The following FCHSD2 variants were observed in gnomAD, a reference collection of about 807,000 sequenced individuals.
FCHSD2 encodes the protein FCH and double SH3 domains 2, also known as F-BAR and double SH3 domains protein 2.
FCHSD2 carries 38 observed loss-of-function variants against 108.1 expected under a neutral mutation model. That is an observed-to-expected ratio of 0.35 (90% CI 0.27 to 0.46). The LOEUF (loss-of-function observed/expected upper bound fraction) is 0.46, where lower values mean the gene tolerates loss of function less well. Ranked by LOEUF, FCHSD2 falls within the 20% of genes least tolerant of loss-of-function variation. The pLI, the probability that FCHSD2 is intolerant of heterozygous loss-of-function variation, is 1.00. For synonymous variants in FCHSD2, 279 were observed against 314.7 expected (o/e 0.89, Z 1.20); for missense variants, 751 against 897.8 (o/e 0.84, Z 2.09).
intron 3 of FCHSD2, among the ~76,000 whole-genome samples, chr11:73,027,402 T>G (rs1297320525): frequency 6.6e-6 from 1 of 152,210 alleles, no homozygotes; most frequent in Non-Finnish European, 1.5e-5. Flanking sequence ...TTAGGGTATC[T>G]GGCAGAAGAA....
At chr11:73,100,105 G>A (rs920805875) in intron 2 of FCHSD2, among the ~76,000 whole-genome samples, 4 of 152,042 alleles carry the variant, frequency 2.6e-5, no homozygotes, top group African/African-American at 2.4e-5. Flanking sequence ...GTGACACCCC[G>A]CTAATCCTCA....
At chr11:73,059,254 A>T (rs1859105333) in intron 3 of FCHSD2, among the ~76,000 whole-genome samples, 1 of 152,192 alleles carries the variant, frequency 6.6e-6, no homozygotes, top group South Asian at 2.1e-4. Context: ...CACTGTGTGA[A>T]CTACGGTTTA....
intron 3 of FCHSD2, among the ~76,000 whole-genome samples, chr11:73,079,341 T>C (rs1341911018): frequency 6.6e-6 from 1 of 151,388 alleles, no homozygotes; most frequent in Non-Finnish European, 1.5e-5. Context: ...GGATTACAGG[T>C]ACCCGCCACG....
intron 12 of FCHSD2, among the ~76,000 whole-genome samples, chr11:72,878,918 C>T (rs1855023937): frequency 6.6e-6 from 1 of 151,912 alleles, no homozygotes; most frequent in Non-Finnish European, 1.5e-5. Flanking sequence ...ACCAGCCTGG[C>T]CAACATGGTG....
Position 73,052,996 on chromosome 11 carries a change from G to A in FCHSD2, c.165+30699C>T, listed in dbSNP as rs1289817394. On this transcript the variant is annotated intron_variant, in intron 3 of 19. Coordinates refer to ENST00000409418, the MANE Select transcript of FCHSD2 (RefSeq NM_014824.3). ...CAAGTAGCTGGGATTACAGATGCCC[G>A]CCACCACACCTAGCTAATTTTTGTA... Among the ~76,000 whole-genome samples the A allele has an allele frequency of 4.6e-5, 7 of 151,962 alleles. No individual in the cohort carries two copies. In the South Asian group the frequency reaches 6.2e-4, roughly 14 times the overall value.
chr11:73,102,370 C>A (rs1403720900), intron 2 of FCHSD2, among the ~76,000 whole-genome samples: 2 of 152,180 alleles, frequency 1.3e-5, no homozygotes, highest in Non-Finnish European at 2.9e-5. Flanking sequence ...AATTACACTC[C>A]TAAGTACTTA....
intron 8 of FCHSD2, among the ~76,000 whole-genome samples, chr11:72,953,391 T>TG (rs1416391421): frequency 1.3e-5 from 2 of 152,366 alleles, no homozygotes; most frequent in East Asian, 3.9e-4. Context: ...TATCTACATT[T>TG]GGAAAATAAA....
chr11:73,017,467 A>G (rs2135435228), intron 3 of FCHSD2, among the ~76,000 whole-genome samples: 1 of 152,326 alleles, frequency 6.6e-6, no homozygotes, highest in African/African-American at 2.4e-5. Context: ...AAATTACTCA[A>G]GTAAAATCAA....
intron 8 of FCHSD2, among the ~76,000 whole-genome samples, chr11:72,931,096 ATTTTTTTTT>A (rs36117770): frequency 8.6e-6 from 1 of 115,918 alleles, no homozygotes; most frequent in African/African-American, 3.2e-5. Context: ...CAATAATTAA[ATTTTTTTTT>A]TTTTTTTTGA....
chr11:73,093,164 T>G (rs1859996508), intron 2 of FCHSD2, among the ~76,000 whole-genome samples: 1 of 152,216 alleles, frequency 6.6e-6, no homozygotes. Context: ...CACACATCAT[T>G]GCAGAAGAAG....
Position 72,955,855 on chromosome 11 carries a change from T to C in FCHSD2, c.705+28233A>G, listed in dbSNP as rs563310095. On this transcript the variant is annotated intron_variant, in intron 8 of 19. Coordinates refer to ENST00000409418, the MANE Select transcript of FCHSD2 (RefSeq NM_014824.3). The stretch of plus-strand genomic sequence containing the variant: ...CTTGGGGGCAGAGACCAAACATGTA[T>C]TTCAAATTATAATATTACAGTGCAT... 2.0e-5 allele frequency among the ~76,000 whole-genome samples: 3 copies of C among 152,314 alleles called. No individual in the cohort carries two copies. The East Asian group carries it at 5.8e-4, about 29-fold the overall frequency.
In FCHSD2 at chr11:73,058,877, C is replaced by T. The variant is rs1859096400; in HGVS notation, c.165+24818G>A. On this transcript the variant is annotated intron_variant, in intron 3 of 19. Coordinates refer to ENST00000409418, the MANE Select transcript of FCHSD2 (RefSeq NM_014824.3). Reference sequence around the variant, plus strand: ...GCCATCCCACCTAGACTTTCATTTTCTAACGGGATAAATAATCTTTTACAT... The same window carrying T: ...GCCATCCCACCTAGACTTTCATTTTTTAACGGGATAAATAATCTTTTACAT... 4.6e-5 allele frequency among the ~76,000 whole-genome samples: 7 copies of T among 152,094 alleles called. No individual in the cohort carries two copies. In the South Asian group the frequency reaches 1.5e-3, roughly 32 times the overall value.
intron 5 of FCHSD2, among the ~76,000 whole-genome samples, chr11:72,991,052 T>C (rs1308216874): frequency 6.6e-6 from 1 of 152,044 alleles, no homozygotes; most frequent in Admixed American, 6.6e-5. Context: ...CCCACAGAAA[T>C]ACAAACTACC....
At chr11:72,844,076 G>A (rs2135158255) in intron 14 of FCHSD2, among the ~76,000 whole-genome samples, 1 of 152,224 alleles carries the variant, frequency 6.6e-6, no homozygotes, top group African/African-American at 2.4e-5. Context: ...TCCAGCTTCT[G>A]TATCAAGTTA....
intron 2 of FCHSD2, among the ~76,000 whole-genome samples, chr11:73,106,836 C>T (rs778376379): frequency 2.0e-5 from 3 of 152,060 alleles, no homozygotes; most frequent in Non-Finnish European, 2.9e-5. Context: ...CAGTAGGCTA[C>T]GCACTCTAAG....
intron 2 of FCHSD2, among the ~76,000 whole-genome samples, chr11:73,113,522 C>G (rs185066689): frequency 6.6e-6 from 1 of 152,102 alleles, no homozygotes; most frequent in Non-Finnish European, 1.5e-5. Flanking sequence ...GCATGTGCCA[C>G]CACGCCCAGC....
At chr11:72,996,059 G>A (rs1360893162) in intron 5 of FCHSD2, among the ~76,000 whole-genome samples, 2 of 152,082 alleles carry the variant, frequency 1.3e-5, no homozygotes, top group African/African-American at 4.8e-5. Context: ...GGGAGAATGA[G>A]GATAAAAGGA....
chr11:73,078,752 T>G (rs1859613726), intron 3 of FCHSD2, among the ~76,000 whole-genome samples: 1 of 152,174 alleles, frequency 6.6e-6, no homozygotes, highest in Non-Finnish European at 1.5e-5. Context: ...AAGGTCTCAC[T>G]CTGTCACCAA....
At chr11:72,842,950 T>C (rs900704464) in intron 16 of FCHSD2, 109 bp from the exon 17 acceptor site, 2 of 977,566 alleles carry the variant, frequency 2.0e-6, no homozygotes, top group Non-Finnish European at 3.0e-6. Context: ...CAGAATAGGA[T>C]TAAAGTTGTA....
Sources: allele counts gnomAD v4.1 joint callset (sites outside exome capture counted in the v4.1 genomes callset), GRCh38; gene constraint gnomAD v4.1.1; transcripts MANE v1.5; gene names NCBI Gene and HGNC (gene_info 2026-07-23, HGNC 2026-07-21).